The following AK5 variants were observed in gnomAD, a reference collection of about 807,000 sequenced individuals.
AK5 encodes the protein adenylate kinase isoenzyme 5.
Under a neutral mutation model 69.5 loss-of-function variants are expected in AK5, and 27 were observed. That is an observed-to-expected ratio of 0.39 (90% CI 0.29 to 0.54). The LOEUF is 0.54. Among genes scored for constraint, AK5 ranks in the 20% least tolerant of loss-of-function variants. AK5 has a pLI of 0.71. For missense variants in AK5, 531 were observed against 700.4 expected (o/e 0.76, Z 2.73); for synonymous variants, 260 against 244.4 (o/e 1.06, Z -0.60).
At chr1:77,348,888 T>C (rs962994522) in intron 6 of AK5, among the ~76,000 whole-genome samples, 2 of 152,198 alleles carry the variant, frequency 1.3e-5, no homozygotes, top group Non-Finnish European at 2.9e-5. Flanking sequence ...TTTGAAATGT[T>C]TTACTAAGAC....
At chr1:77,410,938 T>G (rs752847052) in intron 6 of AK5, 43 bp from the exon 7 acceptor site, 2 of 1,487,522 alleles carry the variant, frequency 1.3e-6, no homozygotes, top group Non-Finnish European at 1.9e-6. Flanking sequence ...AACTAATTTG[T>G]GTATTCTCAC....
At chr1:77,338,971 A>T (rs1434972848) in intron 5 of AK5, among the ~76,000 whole-genome samples, 1 of 152,112 alleles carries the variant, frequency 6.6e-6, no homozygotes, top group Non-Finnish European at 1.5e-5. Context: ...GGGGCAAAAA[A>T]ACTGGAATCC....
chr1:77,335,062 T>C (rs899334975), intron 5 of AK5, among the ~76,000 whole-genome samples: 7 of 152,238 alleles, frequency 4.6e-5, no homozygotes, highest in African/African-American at 1.2e-4. Flanking sequence ...ATCTGAATTA[T>C]GGAGTCTAGA....
intron 6 of AK5, among the ~76,000 whole-genome samples, chr1:77,353,812 G>T (rs1662345967): frequency 6.6e-6 from 1 of 152,126 alleles, no homozygotes; most frequent in South Asian, 2.1e-4. Flanking sequence ...ACCCAACCTG[G>T]CAGGTGGGAC....
intron 12 of AK5, among the ~76,000 whole-genome samples, chr1:77,529,419 C>T (rs978131339): frequency 1.3e-4 from 19 of 151,522 alleles, no homozygotes; most frequent in Non-Finnish European, 2.2e-4. Context: ...CTGCAACCTC[C>T]GCCTCCTGGG....
At chr1:77,419,612 A>T (rs891205718) in intron 8 of AK5, among the ~76,000 whole-genome samples, 2 of 152,188 alleles carry the variant, frequency 1.3e-5, no homozygotes, top group African/African-American at 4.8e-5. Flanking sequence ...GATGCAGCTA[A>T]AAAGGCACTT....
At chr1:77,452,123 A>C (rs1361654252) in intron 8 of AK5, among the ~76,000 whole-genome samples, 1 of 151,990 alleles carries the variant, frequency 6.6e-6, no homozygotes, top group East Asian at 1.9e-4. Flanking sequence ...ATTCTTTTTT[A>C]TATCCCCGTA....
chr1:77,367,753 T>TATGTTATATATAC (rs1491166832), intron 6 of AK5, among the ~76,000 whole-genome samples: 1 of 24,400 alleles, frequency 4.1e-5, no homozygotes, highest in African/African-American at 1.2e-4. Flanking sequence ...ATGTTATATA[T>TATGTTATATATAC]GTTATATATA....
At chr1:77,429,057 CAT>C (rs1198525943) in intron 8 of AK5, among the ~76,000 whole-genome samples, 2 of 152,232 alleles carry the variant, frequency 1.3e-5, no homozygotes, top group Non-Finnish European at 2.9e-5. Flanking sequence ...CCACAATAAA[CAT>C]ATGTGTGTGT....
At chr1:77,547,366 TG>T (rs1390190545) in intron 13 of AK5, among the ~76,000 whole-genome samples, 1 of 144,492 alleles carries the variant, frequency 6.9e-6, no homozygotes, top group Non-Finnish European at 1.5e-5. Context: ...CTCCGCCTCC[TG>T]GGTTCAAGTG....
intron 6 of AK5, among the ~76,000 whole-genome samples, chr1:77,372,039 T>A (rs1046960731): frequency 3.3e-5 from 5 of 152,222 alleles, no homozygotes; most frequent in Non-Finnish European, 7.3e-5. Context: ...ATCAATCTTT[T>A]TCCCAATTCT....
chr1:77,463,882 C>A (rs921864972), intron 8 of AK5, among the ~76,000 whole-genome samples: 1 of 152,132 alleles, frequency 6.6e-6, no homozygotes, highest in Non-Finnish European at 1.5e-5. Flanking sequence ...CATCCAATCA[C>A]CTGTGGTCAG....
intron 5 of AK5, among the ~76,000 whole-genome samples, chr1:77,307,232 A>G (rs189999130): frequency 5.9e-5 from 9 of 151,638 alleles, no homozygotes; most frequent in Admixed American, 5.9e-4. Context: ...GTAGGCACTT[A>G]TAGCTATAAA....
chr1:77,301,603 C>T (rs533525139), intron 5 of AK5, among the ~76,000 whole-genome samples: 1 of 152,304 alleles, frequency 6.6e-6, no homozygotes, highest in South Asian at 2.1e-4. Context: ...CAACCAGAGT[C>T]CCATCATTTA....
At chr1:77,449,027 C>A (rs892953643) in intron 8 of AK5, among the ~76,000 whole-genome samples, 2 of 152,182 alleles carry the variant, frequency 1.3e-5, no homozygotes, top group Non-Finnish European at 2.9e-5. Flanking sequence ...CATAGAGAAC[C>A]TCTGCTAGGG....
chr1:77,348,612 T>C (rs1223731078), intron 6 of AK5, among the ~76,000 whole-genome samples: 1 of 152,206 alleles, frequency 6.6e-6, no homozygotes, highest in Non-Finnish European at 1.5e-5. Flanking sequence ...CAACAATAGC[T>C]TGTCTTTTTA....
At chr1:77,424,174 T>C (rs1364820766) in intron 8 of AK5, among the ~76,000 whole-genome samples, 3 of 152,236 alleles carry the variant, frequency 2.0e-5, no homozygotes, top group East Asian at 3.8e-4. Context: ...TTACAAGGTA[T>C]GTCAAAAGGC....
At chr1:77,490,740 C>T (rs968918362) in intron 10 of AK5, among the ~76,000 whole-genome samples, 10 of 151,714 alleles carry the variant, frequency 6.6e-5, no homozygotes, top group African/African-American at 2.2e-4. Context: ...CAGGTTCCTA[C>T]AGTTTTTCAC....
intron 13 of AK5, among the ~76,000 whole-genome samples, chr1:77,548,585 T>C (rs1350675279): frequency 6.6e-6 from 1 of 152,182 alleles, no homozygotes; most frequent in Non-Finnish European, 1.5e-5. Context: ...AGAGGTTCCA[T>C]GGTGCCAATA....
Sources: allele counts gnomAD v4.1 joint callset (sites outside exome capture counted in the v4.1 genomes callset), GRCh38; gene constraint gnomAD v4.1.1; transcripts MANE v1.5; gene names NCBI Gene and HGNC (gene_info 2026-07-23, HGNC 2026-07-21).